LPA: variants seen among roughly 807,000 people sequenced by gnomAD.
LPA encodes lipoprotein(a), also known as apolipoprotein(a).
A neutral mutation model predicts 197.9 loss-of-function variants in LPA; 199 were observed. The observed-to-expected ratio is 1.01, with a 90% CI of 0.90 to 1.13. The LOEUF is 1.13. LPA is among the 50% of genes most tolerant of loss of function. The pLI, the probability that LPA is intolerant of heterozygous loss-of-function variation, is 0.00. For missense variants in LPA, 1,853 were observed against 1,785.8 expected (o/e 1.04, Z -0.68); for synonymous variants, 715 against 639.5 (o/e 1.12, Z -1.78).
intron 1 of LPA, among the ~76,000 whole-genome samples, chr6:160,657,247 A>T (rs1456412002): frequency 6.6e-6 from 1 of 152,166 alleles, no homozygotes; most frequent in African/African-American, 2.4e-5. Flanking sequence ...TGGGATGAGT[A>T]GGTCTAAAGT....
chr6:160,559,631 C>A (rs1427206280), intron 28 of LPA, among the ~76,000 whole-genome samples: 1 of 152,146 alleles, frequency 6.6e-6, no homozygotes, highest in African/African-American at 2.4e-5. Context: ...TGATCTTCCA[C>A]CAGCATATGA....
chr6:160,535,028 G>A (rs1485248673), intron 37 of LPA, among the ~76,000 whole-genome samples: 3 of 151,254 alleles, frequency 2.0e-5, no homozygotes, highest in African/African-American at 7.3e-5. Flanking sequence ...AATGGTGATG[G>A]TGGTGGAGTA....
intron 16 of LPA, among the ~76,000 whole-genome samples, chr6:160,609,323 C>T (rs1297005121): frequency 1.3e-5 from 2 of 152,028 alleles, no homozygotes; most frequent in Admixed American, 1.3e-4. Context: ...TTGATCTCTT[C>T]TTGTTCCTCA....
chr6:160,659,631 G>C (rs1319987395), intron 1 of LPA, among the ~76,000 whole-genome samples: 2 of 152,198 alleles, frequency 1.3e-5, no homozygotes, highest in Non-Finnish European at 2.9e-5. Flanking sequence ...TACTGCTGCA[G>C]CTGAAATGGC....
chr6:160,581,114 C>T (rs1025609319), intron 26 of LPA, among the ~76,000 whole-genome samples: 2 of 152,032 alleles, frequency 1.3e-5, no homozygotes, highest in Non-Finnish European at 2.9e-5. Context: ...AGGATTCAAG[C>T]GTCACATTTG....
At chr6:160,539,797 A>T (rs1361393845) in intron 36 of LPA, among the ~76,000 whole-genome samples, 2 of 151,790 alleles carry the variant, frequency 1.3e-5, no homozygotes, top group Non-Finnish European at 2.9e-5. Context: ...ACATTAAGTA[A>T]GTTTTACGGG....
rs370997268 is a variant in LPA, at chr6:160,651,843, T to C, written c.50-1346A>G. Among the ~76,000 whole-genome samples, 70 of 152,150 alleles carry C rather than the reference T, an allele frequency of 4.6e-4. 1 individual carries two copies. The highest frequency in any genetic ancestry group is 1.9e-3 in the East Asian group (10 of 5,174). On this transcript the variant is annotated intron_variant, in intron 1 of 38. Coordinates refer to ENST00000316300, the MANE Select transcript of LPA (RefSeq NM_005577.4). ...AATTTCAGCAAAGAGATGGAAACTA[T>C]AGAAAAGAGTAACATGAAAATGCTA... is the stretch of plus-strand genomic sequence containing the variant.
chr6:160,640,777 C>G lies in LPA; in HGVS notation c.623G>C (p.Gly208Ala). ...AAPYCYTRDP[G>A]VRWEYCNLTQ... ...CAGGTTGCAGTACTCCCACCTGACA[C>G]CGGGATCCCTCGTATAACAATAAGG... Residue 208 changes from glycine (G) to alanine (A), a missense_variant, in exon 5 of 39, where the codon GGT becomes GCT. Physicochemically the swap from Gly to Ala is moderately conservative, Grantham distance 60. This residue lies in a region of LPA where 28 missense variants were observed against 198.4 expected (regional missense o/e 0.14). Coordinates refer to ENST00000316300, the MANE Select transcript of LPA (RefSeq NM_005577.4). 6.5e-6 allele frequency: 3 copies of G among 460,034 alleles called. No homozygotes were observed. Among genetic ancestry groups the G allele is most frequent in the Non-Finnish European group, 1.1e-5 (3 of 279,234 alleles). 28.5% of individuals were successfully genotyped at this position (460,034 alleles called of 1,614,324 possible). A position where few individuals can be genotyped will look rare whatever the true frequency, so the allele number is the denominator to read the frequency against.
intron 16 of LPA, among the ~76,000 whole-genome samples, chr6:160,610,336 G>T (rs1779466278): frequency 1.3e-5 from 2 of 152,258 alleles, no homozygotes; most frequent in South Asian, 4.1e-4. Context: ...AGCTGTGCAA[G>T]GGGTTGTCTG....
chr6:160,551,605 C>T (rs927728174), intron 30 of LPA, among the ~76,000 whole-genome samples: 16 of 152,302 alleles, frequency 1.1e-4, no homozygotes, highest in African/African-American at 3.4e-4. Flanking sequence ...AAAAGTTTGC[C>T]TTCTCCAAGG....
At chr6:160,606,277 GAC>G (rs1333583287) in intron 17 of LPA, among the ~76,000 whole-genome samples, 198 bp downstream of exon 17, 1 of 152,156 alleles carries the variant, frequency 6.6e-6, no homozygotes, top group East Asian at 1.9e-4. Context: ...CAATTCTAAA[GAC>G]ACAGCCCACC....
In LPA at chr6:160,611,595, G is replaced by A. The variant is rs771367882; in HGVS notation, c.2570C>T (p.Ser857Leu). ...GTAGTATTCTGGGGTCCGACTATGC[G>A]AGTGTGGTGTCATAGATGACCAAGC... ...CQAWSSMTPH[S>L]HSRTPEYYPN... Residue 857 changes from serine (S) to leucine (L), a missense_variant, in exon 16 of 39, where the codon TCG (serine) becomes TTG (leucine). Physicochemically the swap from Ser to Leu is moderately radical, Grantham distance 145. Around this residue, in one of 3 missense-constraint regions of LPA, gnomAD observed 1,737 missense variants for 1,504.4 expected, o/e 1.15. Coordinates refer to ENST00000316300, the MANE Select transcript of LPA (RefSeq NM_005577.4). 13 of 1,602,850 alleles carry A rather than the reference G, an allele frequency of 8.1e-6. 1 individual carries two copies. The African/African-American group carries it at 9.4e-5, about 12-fold the overall frequency.
chr6:160,586,590 T>A lies in LPA; in HGVS notation c.3988A>T (p.Ile1330Phe). The A allele has an allele frequency of 6.2e-7, 1 of 1,613,788 alleles. No homozygotes were observed. Among genetic ancestry groups the A allele is most frequent in the Non-Finnish European group, 8.5e-7 (1 of 1,179,798 alleles). ...RNYCRNPDAE[I>F]RPWCYTMDPS... ...TCCATGGTATAACACCAAGGGCGAA[T>A]CTCAGCATCTGGATTCCTGCAGTAG... The change falls in exon 25 of 39, where the codon ATT becomes TTT. Residue 1330 changes from isoleucine to phenylalanine, a missense_variant. Ile to Phe is a conservative substitution (Grantham distance 21). This residue lies in a region of LPA where 1,737 missense variants were observed against 1,504.4 expected (regional missense o/e 1.15). Transcript: ENST00000316300.
intron 34 of LPA, 31 bp downstream of exon 34, chr6:160,542,657 C>G (rs772310605): frequency 6.2e-7 from 1 of 1,611,800 alleles, no homozygotes; most frequent in Non-Finnish European, 8.5e-7. Flanking sequence ...CATGGAAGGA[C>G]AGTATAGATG....
intron 16 of LPA, among the ~76,000 whole-genome samples, chr6:160,610,006 T>C (rs558742373): frequency 3.9e-5 from 6 of 152,322 alleles, no homozygotes; most frequent in African/African-American, 1.4e-4. Context: ...TATTAATTTG[T>C]CTTGATATGA....
At chr6:160,588,706 G>T (rs1320343222) in intron 24 of LPA, among the ~76,000 whole-genome samples, 1 of 152,054 alleles carries the variant, frequency 6.6e-6, no homozygotes, top group African/African-American at 2.4e-5. Flanking sequence ...GCTGCCTGAG[G>T]CATCGCAGAC....
chr6:160,571,916 G>A (rs989468002), intron 28 of LPA, among the ~76,000 whole-genome samples: 2 of 152,094 alleles, frequency 1.3e-5, no homozygotes, highest in Non-Finnish European at 1.5e-5. Flanking sequence ...AGGGACCACT[G>A]GGGTATGAAA....
intron 28 of LPA, 34 bp downstream of exon 28, chr6:160,577,102 G>A (rs760908818): frequency 6.2e-7 from 1 of 1,610,618 alleles, no homozygotes; most frequent in South Asian, 1.1e-5. Context: ...TGAGTTGGCT[G>A]TTGCTCCTCT....
intron 1 of LPA, among the ~76,000 whole-genome samples, chr6:160,653,265 C>T (rs563031646): frequency 6.6e-6 from 1 of 152,094 alleles, no homozygotes; most frequent in East Asian, 1.9e-4. Context: ...AACAGAGCTT[C>T]AAAATATATA....
Sources: allele counts gnomAD v4.1 joint callset (sites outside exome capture counted in the v4.1 genomes callset), GRCh38; gene constraint gnomAD v4.1.1; regional missense constraint gnomAD v4.1.1; transcripts MANE v1.5; gene names NCBI Gene and HGNC (gene_info 2026-07-23, HGNC 2026-07-21).